DCAF1: variants seen among roughly 807,000 people sequenced by gnomAD.
DCAF1 encodes the protein DDB1- and CUL4-associated factor 1.
DCAF1 carries 15 observed loss-of-function variants against 128.0 expected under a neutral mutation model. The ratio of observed to expected loss-of-function variants is 0.12; its 90% CI spans 0.08 to 0.18. The LOEUF (loss-of-function observed/expected upper bound fraction) is 0.18, where lower values mean the gene tolerates loss of function less well. DCAF1 is among the 10% of genes least tolerant of loss of function. DCAF1 has a pLI of 1.00. For missense variants in DCAF1, 988 were observed against 1,649.5 expected, an observed-to-expected ratio of 0.60 and a Z score of 6.95; for synonymous variants, 610 against 603.0, an observed-to-expected ratio of 1.01 and a Z score of -0.17.
At chr3:51,475,433 C>T (rs782534146) in intron 3 of DCAF1, among the ~76,000 whole-genome samples, 2 of 152,036 alleles carry the variant, frequency 1.3e-5, no homozygotes, top group East Asian at 3.9e-4. Flanking sequence ...GAAATCCCCC[C>T]CATCTCTACT....
At chr3:51,421,916 C>T (rs1428783705) in intron 14 of DCAF1, among the ~76,000 whole-genome samples, 2 of 151,632 alleles carry the variant, frequency 1.3e-5, no homozygotes, top group African/African-American at 4.8e-5. Context: ...AGCTGTGATG[C>T]TTAAGTTTTT....
chr3:51,483,680 G>GT (rs781917364), intron 3 of DCAF1, 39 bp downstream of exon 3: 1 of 1,340,926 alleles, frequency 7.5e-7, no homozygotes, highest in Non-Finnish European at 1.1e-6. Context: ...TGTGTCCGAG[G>GT]TTTTTTATTA....
At chr3:51,445,989 CTTTTTTT>C (rs782164524) in intron 6 of DCAF1, among the ~76,000 whole-genome samples, 2 of 117,632 alleles carry the variant, frequency 1.7e-5, no homozygotes, top group South Asian at 2.8e-4. Flanking sequence ...AACCTAAGTT[CTTTTTTT>C]TTTTTTTTTT....
At chr3:51,445,054 C>CCT (rs1559520446) in intron 6 of DCAF1, among the ~76,000 whole-genome samples, 1 of 152,092 alleles carries the variant, frequency 6.6e-6, no homozygotes, top group East Asian at 1.9e-4. Flanking sequence ...TTGAAAATCA[C>CCT]CTATGTCCTA....
intron 6 of DCAF1, among the ~76,000 whole-genome samples, chr3:51,462,226 A>C (rs995456030): frequency 3.3e-5 from 5 of 151,954 alleles, no homozygotes; most frequent in African/African-American, 1.2e-4. Context: ...GTTTGAGACC[A>C]GCCTGGCCAA....
intron 23 of DCAF1, among the ~76,000 whole-genome samples, chr3:51,407,984 C>CAAAAAAAAAAAAA (rs59224025): frequency 3.8e-5 from 2 of 52,548 alleles, no homozygotes; most frequent in Non-Finnish European, 6.3e-5. Context: ...GACTCCATCT[C>CAAAAAAAAAAAAA]AAAAAAAAAA....
intron 3 of DCAF1, among the ~76,000 whole-genome samples, chr3:51,477,013 G>A (rs1373255763): frequency 6.6e-6 from 1 of 150,508 alleles, no homozygotes; most frequent in African/African-American, 2.5e-5. Context: ...GCACCTGGGA[G>A]GCAGAGGTTG....
intron 6 of DCAF1, among the ~76,000 whole-genome samples, chr3:51,461,122 G>T (rs1350821463): frequency 1.3e-5 from 2 of 151,388 alleles, no homozygotes; most frequent in Non-Finnish European, 3.0e-5. Flanking sequence ...GAGTGAACAG[G>T]CAACCTACAG....
At chr3:51,474,276 C>T (rs543296285) in intron 3 of DCAF1, among the ~76,000 whole-genome samples, 4 of 152,162 alleles carry the variant, frequency 2.6e-5, no homozygotes, top group African/African-American at 4.8e-5. Context: ...AAAAATTAGC[C>T]GGGCATGGTG....
At chr3:51,428,391 C>T (rs1577113146) in intron 12 of DCAF1, among the ~76,000 whole-genome samples, 1 of 128,778 alleles carries the variant, frequency 7.8e-6, no homozygotes, top group South Asian at 2.5e-4. Context: ...GTGATATGAT[C>T]GTAGCTCACT....
chr3:51,453,604 A>G (rs370241583), intron 6 of DCAF1, among the ~76,000 whole-genome samples: 27 of 150,184 alleles, frequency 1.8e-4, no homozygotes, highest in African/African-American at 6.1e-4. Flanking sequence ...GTCTCGAAAG[A>G]AAAAAAAAAG....
intron 23 of DCAF1, among the ~76,000 whole-genome samples, chr3:51,408,437 A>G (rs1308183508): frequency 1.3e-5 from 2 of 152,362 alleles, no homozygotes; most frequent in South Asian, 2.1e-4. Flanking sequence ...CTGAGAACAG[A>G]TATCTAGACT....
intron 13 of DCAF1, among the ~76,000 whole-genome samples, chr3:51,424,474 T>C (rs536873494): frequency 6.6e-6 from 1 of 150,738 alleles, no homozygotes; most frequent in South Asian, 2.1e-4. Flanking sequence ...ATGACAATGG[T>C]ATGAACATTT....
upstream of DCAF1, among the ~76,000 whole-genome samples, chr3:51,503,003 A>G (rs193057988): frequency 1.6e-4 from 24 of 152,308 alleles, no homozygotes; most frequent in Admixed American, 1.4e-3. Flanking sequence ...ATCTAAGCAT[A>G]TGCACACACA....
intron 6 of DCAF1, among the ~76,000 whole-genome samples, chr3:51,455,829 G>A (rs533491933): frequency 4.7e-4 from 72 of 152,092 alleles, no homozygotes; most frequent in Middle Eastern, 3.4e-3. Flanking sequence ...CCTGGGAGGC[G>A]GAAGTTGCAG....
chr3:51,401,443 G>A (rs534999832), intron 24 of DCAF1, among the ~76,000 whole-genome samples: 7 of 152,308 alleles, frequency 4.6e-5, no homozygotes, highest in African/African-American at 1.7e-4. Flanking sequence ...GCCATGGAGT[G>A]TGCTCCAGAT....
chr3:51,434,326 G>A (rs966469761), intron 9 of DCAF1, among the ~76,000 whole-genome samples: 5 of 151,590 alleles, frequency 3.3e-5, no homozygotes, highest in South Asian at 4.2e-4. Flanking sequence ...CGCTTGAGCC[G>A]GGGAGTTCAA....
intron 23 of DCAF1, among the ~76,000 whole-genome samples, chr3:51,411,241 A>G (rs1272682399): frequency 6.6e-6 from 1 of 152,178 alleles, no homozygotes; most frequent in Non-Finnish European, 1.5e-5. Flanking sequence ...AATGAACCCA[A>G]GAACTGGGGA....
chr3:51,465,383 C>T (rs1704026237), intron 5 of DCAF1, among the ~76,000 whole-genome samples: 1 of 152,128 alleles, frequency 6.6e-6, no homozygotes, highest in Non-Finnish European at 1.5e-5. Flanking sequence ...TAGAAGTGAT[C>T]TGAAACTAAG....
Sources: gnomAD v4.1 joint callset for allele counts (sites outside exome capture counted in the v4.1 genomes callset) on GRCh38, gnomAD v4.1.1 for gene constraint, MANE v1.5 for transcripts, NCBI Gene and HGNC (gene_info 2026-07-23, HGNC 2026-07-21) for gene names.